DLG2: variants seen among roughly 807,000 people sequenced by gnomAD.
DLG2 encodes discs large MAGUK scaffold protein 2.
In DLG2, 45 loss-of-function variants were observed where a neutral mutation model predicts 132.5. The ratio of observed to expected loss-of-function variants is 0.34; its 90% CI spans 0.27 to 0.44. The LOEUF is 0.44. Among genes scored for constraint, DLG2 ranks in the 20% least tolerant of loss-of-function variants. DLG2 has a pLI of 1.00. For missense variants in DLG2, 1,045 were observed against 1,196.9 expected (o/e 0.87, Z 1.87); for synonymous variants, 424 against 419.6 (o/e 1.01, Z -0.13).
At chr11:83,596,566 T>C (rs913867813) in intron 19 of DLG2, among the ~76,000 whole-genome samples, 2 of 152,192 alleles carry the variant, frequency 1.3e-5, no homozygotes, top group Non-Finnish European at 2.9e-5. Context: ...CCCATCGCCA[T>C]TGGGATAATT....
intron 7 of DLG2, among the ~76,000 whole-genome samples, chr11:84,525,710 T>A (rs556716380): frequency 6.6e-6 from 1 of 152,350 alleles, no homozygotes; most frequent in East Asian, 1.9e-4. Context: ...CCTCATTACC[T>A]ACAAGGTGAA....
At chr11:83,464,590 A>G (rs2090656335) in intron 26 of DLG2, among the ~76,000 whole-genome samples, 1 of 152,248 alleles carries the variant, frequency 6.6e-6, no homozygotes, top group Admixed American at 6.5e-5. Flanking sequence ...CTTATTGTGA[A>G]GTCCAGCCTT....
intron 6 of DLG2, among the ~76,000 whole-genome samples, chr11:84,821,877 T>C (rs1319070506): frequency 2.0e-5 from 3 of 151,756 alleles, no homozygotes; most frequent in African/African-American, 7.2e-5. Context: ...AAAACAATGC[T>C]AACTTTTTTT....
intron 4 of DLG2, among the ~76,000 whole-genome samples, chr11:85,191,485 C>G (rs1183646093): frequency 6.6e-6 from 1 of 152,074 alleles, no homozygotes; most frequent in Non-Finnish European, 1.5e-5. Context: ...AGGAAGAAAA[C>G]AGTCCTGGCT....
At chr11:83,906,263 A>T (rs948650364) in intron 15 of DLG2, among the ~76,000 whole-genome samples, 9,359 of 28,720 alleles carry the variant, frequency 0.33, 324 homozygotes, top group East Asian at 0.39. Context: ...TCTCTCACAC[A>T]CACACACACA....
At chr11:85,086,999 A>G (rs1322382650) in intron 6 of DLG2, among the ~76,000 whole-genome samples, 1 of 152,176 alleles carries the variant, frequency 6.6e-6, no homozygotes, top group Non-Finnish European at 1.5e-5. Flanking sequence ...TATTTTCTCA[A>G]TAGCCTTTTA....
intron 6 of DLG2, among the ~76,000 whole-genome samples, chr11:84,891,514 T>C (rs2089387150): frequency 6.6e-6 from 1 of 152,098 alleles, no homozygotes; most frequent in Non-Finnish European, 1.5e-5. Context: ...TGGAAAAATA[T>C]GACAGGAAAT....
At chr11:85,120,913 T>G (rs2074232519) in intron 5 of DLG2, among the ~76,000 whole-genome samples, 1 of 152,024 alleles carries the variant, frequency 6.6e-6, no homozygotes, top group Non-Finnish European at 1.5e-5. Flanking sequence ...CAGAACAATT[T>G]TAAGGGAACA....
intron 16 of DLG2, among the ~76,000 whole-genome samples, chr11:83,859,127 G>A (rs573634685): frequency 6.6e-6 from 1 of 152,280 alleles, no homozygotes; most frequent in African/African-American, 2.4e-5. Context: ...CCAGTCTTGG[G>A]TATGTCTTTA....
At chr11:83,687,245 A>G (rs940039899) in intron 18 of DLG2, among the ~76,000 whole-genome samples, 2 of 152,220 alleles carry the variant, frequency 1.3e-5, no homozygotes, top group Admixed American at 6.5e-5. Context: ...ACTTTGTTAC[A>G]GCAGCCTTAG....
intron 17 of DLG2, chr11:83,791,190 G>A (rs1265108367): frequency 2.2e-5 from 14 of 637,186 alleles, no homozygotes; most frequent in Middle Eastern, 2.7e-4. Flanking sequence ...TGATGGCTGC[G>A]GAGGGAGGTG....
intron 6 of DLG2, among the ~76,000 whole-genome samples, chr11:84,964,785 C>G (rs3851172): frequency 6.6e-6 from 1 of 151,794 alleles, no homozygotes; most frequent in African/African-American, 2.4e-5. Context: ...ATAGCAGCTA[C>G]AGGAGCCTAC....
chr11:84,518,834 C>T (rs2099282772), intron 7 of DLG2, among the ~76,000 whole-genome samples: 1 of 152,082 alleles, frequency 6.6e-6, no homozygotes, highest in Non-Finnish European at 1.5e-5. Context: ...AGCTCTGGAT[C>T]CAAATCAAAG....
chr11:84,197,112 A>C (rs1031666071), intron 8 of DLG2, among the ~76,000 whole-genome samples: 2 of 151,686 alleles, frequency 1.3e-5, no homozygotes, highest in Admixed American at 6.6e-5. Flanking sequence ...TCATTCCAAT[A>C]TCTTTTTTAA....
intron 11 of DLG2, among the ~76,000 whole-genome samples, chr11:83,999,343 TA>T (rs1428457322): frequency 6.6e-6 from 1 of 152,170 alleles, no homozygotes; most frequent in African/African-American, 2.4e-5. Flanking sequence ...TACCTGCATG[TA>T]CCACCTGTGG....
chr11:84,462,704 C>CA (rs2099083688), intron 7 of DLG2, among the ~76,000 whole-genome samples: 1 of 150,908 alleles, frequency 6.6e-6, no homozygotes, highest in Non-Finnish European at 1.5e-5. Context: ...TAATGGTGAA[C>CA]AGGAAATGAC....
At chr11:85,375,418 C>T (rs138475220) in intron 3 of DLG2, among the ~76,000 whole-genome samples, 98 of 152,264 alleles carry the variant, frequency 6.4e-4, no homozygotes, top group African/African-American at 1.5e-3. Flanking sequence ...TGGTGGCTCA[C>T]GCCTAACCCC....
At chr11:84,455,518 C>T (rs561285040) in intron 7 of DLG2, among the ~76,000 whole-genome samples, 19 of 151,252 alleles carry the variant, frequency 1.3e-4, no homozygotes, top group Admixed American at 2.6e-4. Flanking sequence ...GGCAAGCAAA[C>T]TATTCTAAGA....
intron 2 of DLG2, among the ~76,000 whole-genome samples, chr11:85,622,090 C>G (rs1200757162): frequency 6.6e-6 from 1 of 152,166 alleles, no homozygotes; most frequent in African/African-American, 2.4e-5. Flanking sequence ...AGATCTTCCA[C>G]CAGCAAAAAG....
Sources: allele counts gnomAD v4.1 joint callset (sites outside exome capture counted in the v4.1 genomes callset), GRCh38; gene constraint gnomAD v4.1.1; transcripts MANE v1.5; gene names NCBI Gene and HGNC (gene_info 2026-07-23, HGNC 2026-07-21).